The following IL6R variants were observed in gnomAD, a reference collection of about 807,000 sequenced individuals.
IL6R encodes interleukin 6 receptor, also known as interleukin-6 receptor subunit alpha.
IL6R carries 38 observed loss-of-function variants against 48.3 expected under a neutral mutation model. That is an observed-to-expected ratio of 0.79 (90% CI 0.61 to 1.03). IL6R has a LOEUF of 1.03. Ranked by LOEUF, IL6R falls within the 50% of genes least tolerant of loss-of-function variation. IL6R has a pLI of 0.00. For synonymous variants in IL6R, 264 were observed against 256.2 expected, an observed-to-expected ratio of 1.03 and a Z score of -0.29; for missense variants, 534 against 618.3, an observed-to-expected ratio of 0.86 and a Z score of 1.45.
intron 2 of IL6R, 72 bp from the exon 3 acceptor site, chr1:154,430,411 G>A: frequency 6.3e-7 from 1 of 1,577,696 alleles, no homozygotes; most frequent in Middle Eastern, 2.3e-4. Context: ...AAGGGAGGCT[G>A]CCCTGTCTGC....
At chr1:154,450,158 C>T (rs1690502719) in intron 8 of IL6R, among the ~76,000 whole-genome samples, 178 bp downstream of exon 8, 1 of 115,962 alleles carries the variant, frequency 8.6e-6, no homozygotes. Flanking sequence ...GAGAGTCTTG[C>T]TCGGTTGCCC....
chr1:154,434,686 AGGGTTGT>A lies in IL6R; in HGVS notation c.629_635del (p.Gly210GlufsTer75), dbSNP rs1558314052. 1 of 1,613,968 alleles carries A rather than the reference AGGGTTGT, an allele frequency of 6.2e-7. No individual in the cohort carries two copies. The highest frequency in any genetic ancestry group is 2.2e-5 in the East Asian group (1 of 44,876). On this transcript the variant is annotated frameshift_variant, in exon 4 of 10. Transcript: ENST00000368485. LOFTEE classifies it high-confidence loss of function. ...AAGTTCAGCAAAACTCAAACCTTTCAGGGTTGTGGAATCTGTACGTAAGCTCTAACCC... is the reference window on the plus strand; with the variant it reads ...AAGTTCAGCAAAACTCAAACCTTTCAGGAATCTGTACGTAAGCTCTAACCC...
intron 8 of IL6R, among the ~76,000 whole-genome samples, chr1:154,451,568 A>C (rs1690581401): frequency 6.6e-6 from 1 of 152,096 alleles, no homozygotes; most frequent in Admixed American, 6.5e-5. Flanking sequence ...GGAGGAGGGG[A>C]ACCTCCAGTC....
Position 154,468,448 on chromosome 1 carries a change from T to C in IL6R, c.*3068T>C, listed in dbSNP as rs1241746796. 1 of 152,204 alleles carries C rather than the reference T, an allele frequency of 6.6e-6. No individual in the cohort carries two copies. Among genetic ancestry groups the C allele is most frequent in the Non-Finnish European group, 1.5e-5 (1 of 68,042 alleles). 9.4% of individuals were successfully genotyped at this position (152,204 alleles called of 1,614,324 possible). ...TGCTGGTTCAAGGCCTAAAGTAAAA[T>C]GATCAATAATGTTTGTAGCATTAAT... is the stretch of plus-strand genomic sequence containing the variant. On this transcript the variant is annotated 3_prime_UTR_variant, in exon 10 of 10. Coordinates refer to ENST00000368485, the MANE Select transcript of IL6R (RefSeq NM_000565.4).
Position 154,457,152 on chromosome 1 carries a change from G to A in IL6R, c.1160+2571G>A, listed in dbSNP as rs139015107. 6.7e-4 allele frequency among the ~76,000 whole-genome samples: 102 copies of A among 151,870 alleles called. 1 individual carries two copies. Among genetic ancestry groups the A allele is most frequent in the African/African-American group, 2.3e-3 (96 of 41,432 alleles). ...AGCCTGACCAACATGGTGAAACTCC[G>A]TCTCTACTAAAAACACAAAAATTAG... On this transcript the variant is annotated intron_variant, in intron 9 of 9. Transcript: ENST00000368485.
intron 6 of IL6R, among the ~76,000 whole-genome samples, chr1:154,447,438 C>CAAAAA (rs201893129): frequency 1.6e-4 from 6 of 38,404 alleles, no homozygotes; most frequent in Non-Finnish European, 2.2e-4. Flanking sequence ...AACTCCATCT[C>CAAAAA]AAAAAAAAAA....
chr1:154,428,252 G>A (rs915658700), intron 1 of IL6R, among the ~76,000 whole-genome samples: 1 of 151,860 alleles, frequency 6.6e-6, no homozygotes, highest in Admixed American at 6.6e-5. Context: ...TTTTTCAAGG[G>A]GTAGAGAATG....
At chr1:154,461,136 T>C (rs1012587539) in intron 9 of IL6R, among the ~76,000 whole-genome samples, 3 of 152,216 alleles carry the variant, frequency 2.0e-5, no homozygotes, top group Non-Finnish European at 4.4e-5. Context: ...TCTGCACTTA[T>C]AAGAAAGATC....
rs1358755262 is a variant in IL6R, at chr1:154,449,918, C to G, written c.1004C>G (p.Thr335Ser). ...NEVSTPMQAL[T>S]TNKDDDNILF... The stretch of plus-strand genomic sequence containing the variant: ...GAGGAATGTCTCTTTTAGGCACTTA[C>G]TACTAATAAAGACGATGATAATATT... Residue 335 changes from threonine to serine, a missense_variant, in exon 8 of 10, where the codon ACT (threonine) becomes AGT (serine). By Grantham distance (58) the Thr-to-Ser change is moderately conservative (BLOSUM62 1). Transcript: ENST00000368485. 8.1e-6 allele frequency: 13 copies of G among 1,604,308 alleles called. No individual in the cohort carries two copies. Among genetic ancestry groups the G allele is most frequent in the Non-Finnish European group, 1.1e-5 (13 of 1,171,222 alleles).
chr1:154,405,497 A>T lies in IL6R; in HGVS notation c.-133A>T. The stretch of plus-strand genomic sequence containing the variant: ...TGTGTAGAGAGCCGGGCTCCTGCGG[A>T]TGGGGGCTGCCCCCGGGGCCTGAGC... On this transcript the variant is annotated 5_prime_UTR_variant, in exon 1 of 10. It removes an upstream start codon present in the reference 5' UTR. Transcript: ENST00000368485. This position sits in a 1 kb window ranked among gnomAD's most constrained non-coding sequence, Gnocchi z 5.2. The T allele has an allele frequency of 1.3e-6, 1 of 752,066 alleles. No individual in the cohort carries two copies. Among genetic ancestry groups the T allele is most frequent in the Non-Finnish European group, 2.0e-6 (1 of 494,904 alleles). 46.6% of individuals were successfully genotyped at this position (752,066 alleles called of 1,614,324 possible).
intron 1 of IL6R, among the ~76,000 whole-genome samples, chr1:154,420,511 T>TTTTATTTATTTATTTA (rs372431155): frequency 0.047 from 6,884 of 147,840 alleles, 192 homozygotes; most frequent in Non-Finnish European, 0.067. Flanking sequence ...CTTTATTTTA[T>TTTTATTTATTTATTTA]TTTATTTATT....
In IL6R at chr1:154,414,505, C is replaced by G. The variant is rs573015423; in HGVS notation, c.85+8791C>G. 29 of 834,626 alleles carry G rather than the reference C, an allele frequency of 3.5e-5. No homozygotes were observed. In the South Asian group the frequency reaches 3.9e-4, roughly 11 times the overall value. The allele number at this position is 834,626 out of a possible 1,614,324, so 51.7% of individuals were successfully genotyped here. A position where few individuals can be genotyped will look rare whatever the true frequency, so the allele number is the denominator to read the frequency against. ...TGGGGCCCGGGACCCACCCTCACTTCTTGGTGTAGTCGGTCATCTTTTTGG... is the reference window on the plus strand; with the variant it reads ...TGGGGCCCGGGACCCACCCTCACTTGTTGGTGTAGTCGGTCATCTTTTTGG... On this transcript the variant is annotated intron_variant, in intron 1 of 9. Coordinates refer to ENST00000368485, the MANE Select transcript of IL6R (RefSeq NM_000565.4).
chr1:154,426,060 C>T (rs946681363), intron 1 of IL6R, among the ~76,000 whole-genome samples: 33 of 145,280 alleles, frequency 2.3e-4, no homozygotes, highest in African/African-American at 8.5e-4. Context: ...GGGCAGCAGA[C>T]TGAGACCCTG....
intron 9 of IL6R, among the ~76,000 whole-genome samples, chr1:154,462,373 A>G (rs1473515820): frequency 8.4e-6 from 1 of 118,640 alleles, no homozygotes; most frequent in Non-Finnish European, 1.8e-5. Context: ...TAAATCTCAG[A>G]CTTTTTTTTT....
chr1:154,429,552 G>T, intron 2 of IL6R, 108 bp downstream of exon 2: 1 of 1,368,052 alleles, frequency 7.3e-7, no homozygotes, highest in Non-Finnish European at 9.8e-7. Flanking sequence ...TTTCCTTGGC[G>T]CAAGAATTTT....
intron 8 of IL6R, among the ~76,000 whole-genome samples, chr1:154,453,563 C>A (rs988402721): frequency 1.3e-5 from 2 of 152,184 alleles, no homozygotes; most frequent in Non-Finnish European, 2.9e-5. Flanking sequence ...GTAGGAAGAG[C>A]CTTTCTGTGG....
intron 8 of IL6R, among the ~76,000 whole-genome samples, chr1:154,451,855 T>C (rs1382958318): frequency 6.6e-6 from 1 of 152,078 alleles, no homozygotes; most frequent in African/African-American, 2.4e-5. Context: ...AAATTTAACA[T>C]GTCTAAAAGA....
intron 6 of IL6R, among the ~76,000 whole-genome samples, chr1:154,440,457 A>C (rs1023882496): frequency 1.3e-5 from 2 of 152,070 alleles, no homozygotes; most frequent in Admixed American, 6.6e-5. Context: ...TTCTATTTTT[A>C]AATTTTCATG....
chr1:154,417,774 C>T (rs1441976462), intron 1 of IL6R, among the ~76,000 whole-genome samples: 1 of 127,940 alleles, frequency 7.8e-6, no homozygotes, highest in Admixed American at 9.1e-5. Context: ...GAGTTTCACT[C>T]TTGTTGCCCA....
Sources: gnomAD v4.1 joint callset for allele counts (sites outside exome capture counted in the v4.1 genomes callset) on GRCh38, gnomAD v4.1.1 for gene constraint, Gnocchi (gnomAD v3.1) non-coding constraint, MANE v1.5 for transcripts, NCBI Gene and HGNC (gene_info 2026-07-23, HGNC 2026-07-21) for gene names.